The following SHISA4 variants were observed in gnomAD, a reference collection of about 807,000 sequenced individuals.
SHISA4 encodes shisa family member 4, also known as protein shisa-4.
SHISA4 carries 16 observed loss-of-function variants against 24.2 expected under a neutral mutation model. The observed-to-expected ratio is 0.66, with a 90% confidence interval of 0.45 to 1.00. SHISA4 has a LOEUF of 1.00. SHISA4 is among the 50% of genes least tolerant of loss of function. The pLI is 0.00. For missense variants in SHISA4, 238 were observed against 258.9 expected (o/e 0.92, Z 0.55); for synonymous variants, 106 against 105.4 (o/e 1.01, Z -0.04).
Position 201,891,870 on chromosome 1 carries a change from C to T in SHISA4, c.*24C>T, listed in dbSNP as rs757259846. Reference sequence around the variant, plus strand: ...GAGGAACCAGCCATGTCTCTGCTGCCCCTTCAGTGATGCCAACCTTGGGAG... The same window carrying T: ...GAGGAACCAGCCATGTCTCTGCTGCTCCTTCAGTGATGCCAACCTTGGGAG... On this transcript the variant is annotated 3_prime_UTR_variant, in exon 5 of 5. Transcript: ENST00000362011. The T allele has an allele frequency of 4.3e-6, 7 of 1,613,656 alleles. No individual in the cohort carries two copies. In the Admixed American group the frequency reaches 1.2e-4, roughly 27 times the overall value.
At chr1:201,889,135 G>A in intron 1 of SHISA4, 68 bp downstream of exon 1, 1 of 1,347,062 alleles carries the variant, frequency 7.4e-7, no homozygotes, top group Non-Finnish European at 9.9e-7. Flanking sequence ...ACCGATCCGA[G>A]GGGCTTGGGC....
intron 2 of SHISA4, 58 bp from the exon 3 acceptor site, chr1:201,890,396 A>G (rs1163195587): frequency 6.3e-7 from 1 of 1,591,512 alleles, no homozygotes; most frequent in Admixed American, 1.8e-5. Context: ...GAGCCAGCAT[A>G]ATGAGGACTC....
Position 201,889,491 on chromosome 1 carries a change from C to T in SHISA4, c.120C>T (p.Ser40=), listed in dbSNP as rs778623880. ...TGTGGTACCTGGACCGGAATGGCTCCTGGCATCCGGGGTTTAACTGCGAGT... is the reference window on the plus strand; with the variant it reads ...TGTGGTACCTGGACCGGAATGGCTCTTGGCATCCGGGGTTTAACTGCGAGT... ...DCLWYLDRNG[S]WHPGFNCEFF... is the part of the protein sequence containing the mutation. The change falls in exon 2 of 5, where the codon TCC becomes TCT. Residue 40 remains serine, a synonymous_variant. Transcript: ENST00000362011. The T allele has an allele frequency of 6.2e-7, 1 of 1,614,004 alleles. No homozygotes were observed. The highest frequency in any genetic ancestry group is 8.5e-7 in the Non-Finnish European group (1 of 1,180,032).
Position 201,891,959 on chromosome 1 carries a change from C to A in SHISA4, c.*113C>A. On this transcript the variant is annotated 3_prime_UTR_variant, in exon 5 of 5. Coordinates refer to ENST00000362011, the MANE Select transcript of SHISA4 (RefSeq NM_198149.3). ...GCAGGAGTCCTCCAGCCACCAGGCC[C>A]CAGACCAAGCCAAGCCCTGGGCCCT... is the stretch of plus-strand genomic sequence containing the variant. 7.9e-7 allele frequency: 1 copy of A among 1,268,020 alleles called. No individual in the cohort carries two copies. Among genetic ancestry groups the A allele is most frequent in the Non-Finnish European group, 1.1e-6 (1 of 872,408 alleles). 78.5% of individuals were successfully genotyped at this position (1,268,020 alleles called of 1,614,324 possible). A position where few individuals can be genotyped will look rare whatever the true frequency, so the allele number is the denominator to read the frequency against.
At chr1:201,889,244 G>C in intron 1 of SHISA4, 177 bp downstream of exon 1, 1 of 914,166 alleles carries the variant, frequency 1.1e-6, no homozygotes. Flanking sequence ...CTGGGCCATG[G>C]GAGGCTGATC....
Position 201,892,530 on chromosome 1 carries a change from G to C in SHISA4, c.*684G>C, listed in dbSNP as rs1454192202. ...AGGTGAATTTTGCCACAGCTCTGAA[G>C]AGATGCTCGTTTGCACTACAGATAT... On this transcript the variant is annotated 3_prime_UTR_variant, in exon 5 of 5. Transcript: ENST00000362011. Among the ~76,000 whole-genome samples the C allele has an allele frequency of 6.6e-6, 1 of 152,124 alleles. No individual in the cohort carries two copies. Among genetic ancestry groups the C allele is most frequent in the Non-Finnish European group, 1.5e-5 (1 of 68,022 alleles).
chr1:201,891,426 C>A lies in SHISA4; in HGVS notation c.405C>A (p.Ile135=), dbSNP rs769876395. The A allele has an allele frequency of 6.2e-7, 1 of 1,613,930 alleles. No individual in the cohort carries two copies. The highest frequency in any genetic ancestry group is 8.5e-7 in the Non-Finnish European group (1 of 1,179,910). The change falls in exon 4 of 5, where the codon ATC becomes ATA. Residue 135 remains isoleucine, a synonymous_variant. Transcript: ENST00000362011. ...FEGQEIPMTG[I]PVQPVYPYPQ... ...GCCAGGAGATTCCAATGACAGGCAT[C>A]CCAGTGCAGCCAGTATACCCATACC... is the stretch of plus-strand genomic sequence containing the variant.
At chr1:201,889,388 G>A in intron 1 of SHISA4, 57 bp from the exon 2 acceptor site, 2 of 1,597,376 alleles carry the variant, frequency 1.3e-6, no homozygotes, top group South Asian at 1.1e-5. Flanking sequence ...GGGGCCGAGC[G>A]CGGCTGGGGA....
At chr1:201,890,853 TAGTG>T (rs1368681165) in intron 3 of SHISA4, among the ~76,000 whole-genome samples, 1 of 152,162 alleles carries the variant, frequency 6.6e-6, no homozygotes. Context: ...CTGTCAACAA[TAGTG>T]GGTGCAGTGG....
At position 201,890,540 on chromosome 1, in the gene SHISA4, G is replaced by A; in HGVS notation, c.332G>A (p.Cys111Tyr). ...ACCATCTGCTGCTTCCTCTGTTCCT[G>A]TTGCTACCTGTACCGCCGGCGCCAG... ...ATTICCFLCS[C>Y]CYLYRRRQQL... Residue 111 changes from cysteine to tyrosine, a missense_variant, in exon 3 of 5, where the codon TGT becomes TAT. Coordinates refer to ENST00000362011, the MANE Select transcript of SHISA4 (RefSeq NM_198149.3). 6.2e-7 allele frequency: 1 copy of A among 1,614,216 alleles called. No individual in the cohort carries two copies. The highest frequency in any genetic ancestry group is 8.5e-7 in the Non-Finnish European group (1 of 1,180,040).
Position 201,891,536 on chromosome 1 carries a change from A to AC in SHISA4, c.518dup (p.Ala174SerfsTer86). On this transcript the variant is annotated frameshift_variant, in exon 4 of 5. Transcript: ENST00000362011. LOFTEE classifies it high-confidence loss of function. The stretch of plus-strand genomic sequence containing the variant: ...GGTCCTGCTCCCCAATATCCACTCT[A>AC]CCCAGCTGGGCCCCCAGTCTACAAC... 1.2e-6 allele frequency: 2 copies of AC among 1,612,884 alleles called. No individual in the cohort carries two copies. Among genetic ancestry groups the AC allele is most frequent in the Non-Finnish European group, 8.5e-7 (1 of 1,179,582 alleles).
chr1:201,890,625 C>A (rs762932756), intron 3 of SHISA4, 38 bp downstream of exon 3: 18 of 1,610,456 alleles, frequency 1.1e-5, no homozygotes, highest in Non-Finnish European at 1.5e-5. Flanking sequence ...CTCAGATGGG[C>A]TGGGCTAAGT....
At position 201,889,528 on chromosome 1, in the gene SHISA4, T is replaced by C; in HGVS notation, c.157T>C (p.Cys53Arg). Residue 53 changes from cysteine (C) to arginine (R), a missense_variant, in exon 2 of 5, where the codon TGC becomes CGC. By Grantham distance (180) the Cys-to-Arg change is radical (BLOSUM62 -3). Coordinates refer to ENST00000362011, the MANE Select transcript of SHISA4 (RefSeq NM_198149.3). ...GTTTAACTGCGAGTTCTTCACCTTCTGCTGCGGGACCTGCTACCATCGGTA... is the reference window on the plus strand; with the variant it reads ...GTTTAACTGCGAGTTCTTCACCTTCCGCTGCGGGACCTGCTACCATCGGTA... ...PGFNCEFFTF[C>R]CGTCYHRYCC... 6.2e-7 allele frequency: 1 copy of C among 1,614,108 alleles called. No individual in the cohort carries two copies.
chr1:201,889,753 GC>G, intron 2 of SHISA4, 137 bp downstream of exon 2: 1 of 1,059,404 alleles, frequency 9.4e-7, no homozygotes, highest in South Asian at 1.5e-5. Flanking sequence ...CAGGACTCAA[GC>G]CTGGCGGCAG....
In SHISA4 at chr1:201,890,470, G is replaced by A. The variant is rs139323296; in HGVS notation, c.262G>A (p.Gly88Ser). 8.7e-6 allele frequency: 14 copies of A among 1,614,138 alleles called. No homozygotes were observed. The highest frequency in any genetic ancestry group is 1.0e-5 in the Non-Finnish European group (12 of 1,180,052). ...TGTCTAAAGCCCCAAGACCATAGCA[G>A]GCATCGCCTCAGCTGTGATCCTCTT... ...CLAFSPKTIA[G>S]IASAVILFVA... The change falls in exon 3 of 5, where the codon GGC becomes AGC. Residue 88 changes from glycine to serine, a missense_variant. Physicochemically the swap from Gly to Ser is moderately conservative, Grantham distance 56 (BLOSUM62 0). Coordinates refer to ENST00000362011, the MANE Select transcript of SHISA4 (RefSeq NM_198149.3).
intron 3 of SHISA4, 37 bp downstream of exon 3, chr1:201,890,624 G>A: frequency 3.7e-6 from 6 of 1,610,798 alleles, no homozygotes; most frequent in Non-Finnish European, 5.1e-6. Flanking sequence ...CCTCAGATGG[G>A]CTGGGCTAAG....
chr1:201,891,738 G>T, intron 4 of SHISA4, 62 bp from the exon 5 acceptor site: 1 of 1,594,326 alleles, frequency 6.3e-7, no homozygotes, highest in East Asian at 2.2e-5. Flanking sequence ...CCGGGGGCAG[G>T]GGTGTTACTT....
At chr1:201,891,633 T>TGTGCCTCTCTCA in intron 4 of SHISA4, 65 bp downstream of exon 4, 12 of 1,551,486 alleles carry the variant, frequency 7.7e-6, no homozygotes, top group Non-Finnish European at 1.1e-5. Context: ...CGACCTCCCC[T>TGTGCCTCTCTCA]GTGCCTCTCT....
At position 201,889,015 on chromosome 1, in the gene SHISA4, C is replaced by T; in HGVS notation, c.21C>T (p.Arg7=). The change falls in exon 1 of 5, where the codon CGC becomes CGT. Residue 7 remains arginine (R), a synonymous_variant. Transcript: ENST00000362011. ...CCACCATGCCACCCGCGGGGCTCCG[C>T]CGGGCCGCGCCGCTCACCGCAATCG... MPPAGL[R]RAAPLTAIAL... 1 of 1,381,308 alleles carries T rather than the reference C, an allele frequency of 7.2e-7. No individual in the cohort carries two copies. Among genetic ancestry groups the T allele is most frequent in the East Asian group, 3.0e-5 (1 of 33,260 alleles). 85.6% of individuals were successfully genotyped at this position (1,381,308 alleles called of 1,614,324 possible).
Sources: allele counts gnomAD v4.1 joint callset (sites outside exome capture counted in the v4.1 genomes callset), GRCh38; gene constraint gnomAD v4.1.1; transcripts MANE v1.5; gene names NCBI Gene and HGNC (gene_info 2026-07-23, HGNC 2026-07-21).